Variants in PCDH15 observed in about 807,000 individuals in gnomAD.
PCDH15 encodes protocadherin related 15.
In PCDH15, 129 loss-of-function variants were observed where a neutral mutation model predicts 178.5. That is an observed-to-expected ratio of 0.72 (90% CI 0.63 to 0.84). The LOEUF (loss-of-function observed/expected upper bound fraction) is 0.84, where lower values mean the gene tolerates loss of function less well. Ranked by LOEUF, PCDH15 falls within the 40% of genes least tolerant of loss-of-function variation. PCDH15 has a pLI of 0.00. For synonymous variants in PCDH15, 800 were observed against 732.0 expected, an observed-to-expected ratio of 1.09 and a Z score of -1.50; for missense variants, 2,230 against 2,099.9, an observed-to-expected ratio of 1.06 and a Z score of -1.21.
At chr10:54,083,354 C>T (rs12265754) in intron 16 of PCDH15, among the ~76,000 whole-genome samples, 3,994 of 152,102 alleles carry the variant, frequency 0.026, 179 homozygotes, top group African/African-American at 0.088. Context: ...ATTTGTAATA[C>T]CGAAAGGTAG....
In PCDH15 at chr10:53,831,443, C is replaced by T; in HGVS notation, c.4074G>A (p.Glu1358=). Residue 1358 remains glutamate, a synonymous_variant, in exon 30 of 38, where the codon GAG becomes GAA. Transcript: ENST00000644397. ...GGRILEIRTP[E]AVTSIKKRGE... ...CTCTCTTTTTAATGCTGGTCACTGC[C>T]TCTGGAGTCCGGATCTCCAGAATGC... 1.2e-6 allele frequency: 2 copies of T among 1,614,120 alleles called. No individual in the cohort carries two copies. The highest frequency in any genetic ancestry group is 1.7e-6 in the Non-Finnish European group (2 of 1,180,010).
intron 2 of PCDH15, among the ~76,000 whole-genome samples, chr10:54,936,428 T>C (rs894742606): frequency 6.6e-6 from 1 of 152,010 alleles, no homozygotes; most frequent in African/African-American, 2.4e-5. Flanking sequence ...AAGGGCAAGT[T>C]TGTTTAAAAT....
rs2053289660 is a variant in PCDH15 at position 54,225,148 on chromosome 10, A to G, written c.986-11100T>C. Among the ~76,000 whole-genome samples, 3 of 152,124 alleles carry G rather than the reference A, an allele frequency of 2.0e-5. No individual in the cohort carries two copies. The South Asian group carries it at 6.2e-4, about 31-fold the overall frequency. ...CTGATTGTATAGTTCAGGTATACCT[A>G]CACTAGAAAGACCGAGTTCTTGTCC... On this transcript the variant is annotated intron_variant, in intron 9 of 37. Coordinates refer to ENST00000644397, the MANE Select transcript of PCDH15 (RefSeq NM_001384140.1).
intron 2 of PCDH15, among the ~76,000 whole-genome samples, chr10:55,581,549 A>C (rs914990010): frequency 6.6e-6 from 1 of 151,958 alleles, no homozygotes; most frequent in Non-Finnish European, 1.5e-5. Flanking sequence ...TTCTGCACAT[A>C]AGTGCAAATA....
At chr10:54,742,882 C>T (rs902243108) in intron 1 of PCDH15, among the ~76,000 whole-genome samples, 1 of 152,022 alleles carries the variant, frequency 6.6e-6, no homozygotes, top group African/African-American at 2.4e-5. Context: ...TATTCAGGAA[C>T]AGTCATATTG....
At chr10:54,796,261 T>C (rs1478385161) in intron 1 of PCDH15, among the ~76,000 whole-genome samples, 1 of 111,404 alleles carries the variant, frequency 9.0e-6, no homozygotes, top group Non-Finnish European at 1.8e-5. Flanking sequence ...TATCTATCTA[T>C]CTATCTATCT....
At chr10:54,522,087 C>CAAAAAAAAAA (rs11313978) in intron 3 of PCDH15, among the ~76,000 whole-genome samples, 1 of 58,892 alleles carries the variant, frequency 1.7e-5, no homozygotes, top group African/African-American at 6.3e-5. Flanking sequence ...GAATCCATCT[C>CAAAAAAAAAA]AAAAAAAAAA....
At chr10:55,399,164 A>G (rs1838002829) in intron 2 of PCDH15, among the ~76,000 whole-genome samples, 1 of 152,166 alleles carries the variant, frequency 6.6e-6, no homozygotes. Flanking sequence ...TAGTAGAAAA[A>G]GTGTAAAACA....
intron 2 of PCDH15, among the ~76,000 whole-genome samples, chr10:55,006,783 A>G (rs1434937224): frequency 6.6e-6 from 1 of 152,190 alleles, no homozygotes. Context: ...TTAATATTTA[A>G]TGACTGCCCT....
intron 6 of PCDH15, among the ~76,000 whole-genome samples, chr10:54,341,692 C>T (rs889205333): frequency 1.3e-5 from 2 of 152,122 alleles, no homozygotes; most frequent in African/African-American, 4.8e-5. Context: ...AAAGTTTGGA[C>T]CTTCCTAGAG....
At chr10:55,243,125 T>A (rs1241294274) in intron 1 of PCDH15, among the ~76,000 whole-genome samples, 4 of 152,066 alleles carry the variant, frequency 2.6e-5, no homozygotes, top group African/African-American at 9.7e-5. Flanking sequence ...CAAAGAAACT[T>A]TGTCTGAAAA....
chr10:54,099,358 G>A (rs531407866), intron 15 of PCDH15, among the ~76,000 whole-genome samples: 21 of 151,760 alleles, frequency 1.4e-4, no homozygotes, highest in Non-Finnish European at 3.1e-4. Context: ...AAATTAGCTA[G>A]GCATGGTGGT....
chr10:53,806,938 T>C lies in PCDH15; in HGVS notation c.4864A>G (p.Asn1622Asp), dbSNP rs758667264. 2.5e-6 allele frequency: 4 copies of C among 1,613,778 alleles called. No homozygotes were observed. Among genetic ancestry groups the C allele is most frequent in the African/African-American group, 2.7e-5 (2 of 74,906 alleles). ...CGAACAGGGGAAGCAACTTTTAAGT[T>C]GTCCGTGAGGCAGGCACGGCGGGTT... is the stretch of plus-strand genomic sequence containing the variant. ...VRTRRACLTD[N>D]LKVASPVRLG... The change falls in exon 38 of 38, where the codon AAC becomes GAC. Residue 1622 changes from asparagine (N) to aspartate (D), a missense_variant. Transcript: ENST00000644397.
At chr10:55,538,215 C>A (rs1045876079) in intron 2 of PCDH15, among the ~76,000 whole-genome samples, 2 of 152,042 alleles carry the variant, frequency 1.3e-5, no homozygotes, top group African/African-American at 4.8e-5. Flanking sequence ...AGTCACAATG[C>A]GTTTATCAGT....
At chr10:54,898,100 G>A (rs898204126) in intron 2 of PCDH15, among the ~76,000 whole-genome samples, 7 of 152,074 alleles carry the variant, frequency 4.6e-5, no homozygotes, top group African/African-American at 1.7e-4. Flanking sequence ...TTCTCACGAT[G>A]TCTGGTTGTT....
chr10:54,269,207 G>A (rs1251408343), intron 8 of PCDH15, among the ~76,000 whole-genome samples: 1 of 151,932 alleles, frequency 6.6e-6, no homozygotes, highest in African/African-American at 2.4e-5. Flanking sequence ...TGATAAATGA[G>A]AAACTGAAAG....
Position 54,020,347 on chromosome 10 carries a change from C to CA in PCDH15, c.2595dup (p.Ala866CysfsTer18), listed in dbSNP as rs2092877701. ...AGTTCTCCTGTAAATGGATGTAGTG[C>CA]AAAAAAGTGCTTCACTTCTGGGCTT... is the stretch of plus-strand genomic sequence containing the variant. On this transcript the variant is annotated frameshift_variant, in exon 20 of 38. Coordinates refer to ENST00000644397, the MANE Select transcript of PCDH15 (RefSeq NM_001384140.1). LOFTEE classifies it high-confidence loss of function. 6.2e-7 allele frequency: 1 copy of CA among 1,613,714 alleles called. No individual in the cohort carries two copies. Among genetic ancestry groups the CA allele is most frequent in the African/African-American group, 1.3e-5 (1 of 74,982 alleles).
chr10:55,510,264 G>A lies in PCDH15; in HGVS notation c.-156+117361C>T, dbSNP rs55724131. ...AAAAAGACAAATTTTTTCTTCATAC[G>A]GTAGAATCACATATTGATTTGGAAT... On this transcript the variant is annotated intron_variant, in intron 2 of 5. Transcript: ENST00000613346. Among the ~76,000 whole-genome samples, 727 of 151,694 alleles carry A rather than the reference G, an allele frequency of 4.8e-3. 1 individual carries two copies. The highest frequency in any genetic ancestry group is 0.015 in the African/African-American group (627 of 41,372).
At chr10:54,841,202 G>T (rs1300322025) in intron 3 of PCDH15, among the ~76,000 whole-genome samples, 3 of 151,712 alleles carry the variant, frequency 2.0e-5, no homozygotes, top group Non-Finnish European at 4.4e-5. Flanking sequence ...TTAAAAGACA[G>T]AAATTATATG....
Sources: gnomAD v4.1 joint callset for allele counts (sites outside exome capture counted in the v4.1 genomes callset) on GRCh38, gnomAD v4.1.1 for gene constraint, MANE v1.5 for transcripts, NCBI Gene and HGNC (gene_info 2026-07-23, HGNC 2026-07-21) for gene names.